The following MYO1F variants were observed in gnomAD, a reference collection of about 807,000 sequenced individuals.
MYO1F encodes the protein unconventional myosin-If.
MYO1F carries 60 observed loss-of-function variants against 146.6 expected under a neutral mutation model. That is an observed-to-expected ratio of 0.41 (90% CI 0.33 to 0.51). The LOEUF is 0.51. MYO1F is among the 20% of genes least tolerant of loss of function. The probability of loss-of-function intolerance (pLI) is 0.25; values close to 1 mark genes in which losing one functional copy is unlikely to be tolerated. For missense variants in MYO1F, 1,274 were observed against 1,534.3 expected, an observed-to-expected ratio of 0.83 and a Z score of 2.83; for synonymous variants, 602 against 602.1, an observed-to-expected ratio of 1.00 and a Z score of 0.00.
intron 1 of MYO1F, among the ~76,000 whole-genome samples, chr19:8,556,026 T>TTTTA (rs1022308526): frequency 2.0e-5 from 3 of 151,530 alleles, no homozygotes; most frequent in African/African-American, 7.3e-5. Flanking sequence ...AATTTTTAAT[T>TTTTA]TTTATTTATT....
At chr19:8,543,542 G>A (rs1245688936) in intron 14 of MYO1F, among the ~76,000 whole-genome samples, 1 of 151,934 alleles carries the variant, frequency 6.6e-6, no homozygotes, top group Non-Finnish European at 1.5e-5. Flanking sequence ...TTAATCGGGG[G>A]GAATTCTGTT....
chr19:8,530,435 C>T lies in MYO1F; in HGVS notation c.2158+24G>A, dbSNP rs761252826. The T allele has an allele frequency of 1.9e-5, 31 of 1,613,532 alleles. No homozygotes were observed. In the East Asian group the frequency reaches 2.4e-4, roughly 13 times the overall value. Reference sequence around the variant, plus strand: ...TCCAGGTCCTTGTGCCCCCACCCCGCGCCGTTTACCCGAAGCCTCTCACCT... The same window carrying T: ...TCCAGGTCCTTGTGCCCCCACCCCGTGCCGTTTACCCGAAGCCTCTCACCT... On this transcript the variant is annotated intron_variant, in intron 20 of 27. Transcript: ENST00000644032. The surrounding 1 kb of genome is among the most constrained non-coding windows in gnomAD (Gnocchi z 5.8).
At chr19:8,522,276 C>G in intron 27 of MYO1F, 101 bp downstream of exon 27, 1 of 1,476,860 alleles carries the variant, frequency 6.8e-7, no homozygotes, top group Middle Eastern at 1.7e-4. Context: ...CCCGCCTTGG[C>G]CTCCCAAAAT....
intron 4 of MYO1F, 22 bp from the exon 5 acceptor site, chr19:8,553,459 A>C (rs747582661): frequency 6.2e-7 from 1 of 1,604,744 alleles, no homozygotes; most frequent in Non-Finnish European, 8.5e-7. Context: ...TGGAGGAATA[A>C]ATGATCAGTG....
intron 13 of MYO1F, chr19:8,545,436 T>C: frequency 1.7e-6 from 1 of 601,756 alleles, no homozygotes; most frequent in Non-Finnish European, 3.0e-6. Flanking sequence ...GGGAAATGTT[T>C]ATTGAATGAT....
At chr19:8,547,280 AAC>A (rs2145903097) in intron 12 of MYO1F, among the ~76,000 whole-genome samples, 1 of 139,108 alleles carries the variant, frequency 7.2e-6, no homozygotes, top group Non-Finnish European at 1.5e-5. Flanking sequence ...CAGCCTGGAC[AAC>A]AGAGCGAGTT....
chr19:8,569,845 C>G (rs188419292), intron 1 of MYO1F, among the ~76,000 whole-genome samples: 57 of 152,230 alleles, frequency 3.7e-4, no homozygotes, highest in Admixed American at 3.2e-3. Context: ...CAGCCCAGGC[C>G]ATGTGGGGTC....
At chr19:8,546,954 C>T (rs978955951) in intron 12 of MYO1F, among the ~76,000 whole-genome samples, 5 of 152,086 alleles carry the variant, frequency 3.3e-5, no homozygotes, top group Non-Finnish European at 5.9e-5. Context: ...GCTGGGATTA[C>T]AGGCGTGAGC....
At chr19:8,555,396 A>G (rs1343045062) in intron 2 of MYO1F, 1 of 393,590 alleles carries the variant, frequency 2.5e-6, no homozygotes, top group Non-Finnish European at 4.7e-6. Context: ...AAAAAAAAAA[A>G]AAAAAAAAAA....
chr19:8,544,116 A>C, intron 14 of MYO1F, 181 bp downstream of exon 14: 1 of 658,836 alleles, frequency 1.5e-6, no homozygotes, highest in Non-Finnish European at 2.6e-6. Context: ...GGTCAGCCGG[A>C]AGGGTCTGTA....
At chr19:8,535,972 C>G (rs959318815) in intron 19 of MYO1F, among the ~76,000 whole-genome samples, 2 of 152,134 alleles carry the variant, frequency 1.3e-5, no homozygotes, top group Non-Finnish European at 2.9e-5. Context: ...TGAGCCACCG[C>G]GCCCGGCAGT....
At chr19:8,537,104 C>T (rs1295566394) in intron 16 of MYO1F, 49 bp from the exon 17 acceptor site, 1 of 1,263,070 alleles carries the variant, frequency 7.9e-7, no homozygotes, top group Admixed American at 1.9e-5. Flanking sequence ...AGATGGGACC[C>T]TCTGGCCCCT....
chr19:8,562,458 C>T (rs1049777970), intron 1 of MYO1F, among the ~76,000 whole-genome samples: 3 of 152,116 alleles, frequency 2.0e-5, no homozygotes, highest in African/African-American at 7.2e-5. Flanking sequence ...TGGGTGGAAG[C>T]CACTGGGCCC....
At position 8,544,030 on chromosome 19, in the gene MYO1F, CGGTGGCGGTGCTGGTGGTGGTGGT is replaced by C. The variant is rs1973217097; in HGVS notation, c.1524+243_1524+266del. Reference sequence around the variant, plus strand: ...GCGGTGGCGGTGGCGGTGGCGGTGGCGGTGGCGGTGCTGGTGGTGGTGGTGGTGGTGGTGGTGGTGTCCAGACAA... The same window carrying C: ...GCGGTGGCGGTGGCGGTGGCGGTGGCGGTGGTGGTGGTGGTGTCCAGACAA... On this transcript the variant is annotated intron_variant, in intron 14 of 27. Coordinates refer to ENST00000644032, the MANE Select transcript of MYO1F (RefSeq NM_012335.4). 4 of 290,032 alleles carry C rather than the reference CGGTGGCGGTGCTGGTGGTGGTGGT, an allele frequency of 1.4e-5. No homozygotes were observed. In the East Asian group the frequency reaches 2.1e-4, roughly 15 times the overall value. The allele number at this position is 290,032 out of a possible 1,614,324, so 18.0% of individuals were successfully genotyped here.
intron 1 of MYO1F, among the ~76,000 whole-genome samples, chr19:8,561,239 G>A (rs548979611): frequency 6.6e-6 from 1 of 152,182 alleles, no homozygotes; most frequent in South Asian, 2.1e-4. Flanking sequence ...AGGGTTAACT[G>A]TCTGGGGAAA....
In MYO1F at chr19:8,577,292, C is replaced by T; in HGVS notation, c.3+15G>A. ...TCCTCTTTCTTCTTCCAGATCCCAC[C>T]CTTGAAGGACTTACCATGGTGGGGG... On this transcript the variant is annotated intron_variant, in intron 1 of 27. Transcript: ENST00000644032. The surrounding 1 kb of genome is among the most constrained non-coding windows in gnomAD (Gnocchi z 4.3). 1 of 1,613,790 alleles carries T rather than the reference C, an allele frequency of 6.2e-7. No individual in the cohort carries two copies. Among genetic ancestry groups the T allele is most frequent in the Non-Finnish European group, 8.5e-7 (1 of 1,179,822 alleles).
At chr19:8,564,505 G>A (rs1172193543) in intron 1 of MYO1F, among the ~76,000 whole-genome samples, 1 of 152,080 alleles carries the variant, frequency 6.6e-6, no homozygotes, top group Non-Finnish European at 1.5e-5. Context: ...ACCCACCACA[G>A]ACTGGCTGAG....
intron 25 of MYO1F, chr19:8,525,234 C>T: frequency 4.2e-6 from 1 of 239,132 alleles, no homozygotes; most frequent in South Asian, 7.1e-5. Context: ...ATGTAGTTTA[C>T]AGGGCAGGAG....
In MYO1F at chr19:8,543,753, G is replaced by GTGC. The variant is rs1568348805; in HGVS notation, c.1524+543_1524+544insGCA. Among the ~76,000 whole-genome samples the GTGC allele has an allele frequency of 2.0e-4, 2 of 9,766 alleles. 1 individual carries two copies. Among genetic ancestry groups the GTGC allele is most frequent in the Non-Finnish European group, 3.9e-4 (2 of 5,076 alleles). 6.4% of individuals were successfully genotyped at this position (9,766 alleles called of 152,430 possible). A position where few individuals can be genotyped will look rare whatever the true frequency, so the allele number is the denominator to read the frequency against. On this transcript the variant is annotated intron_variant, in intron 14 of 27. Coordinates refer to ENST00000644032, the MANE Select transcript of MYO1F (RefSeq NM_012335.4). ...GGTGGTGCTGGTGGTGCTGGTGGTG[G>GTGC]TGGTGGTGGTGGTGCTGGTGGTGCT... is the stretch of plus-strand genomic sequence containing the variant.
Sources: allele counts gnomAD v4.1 joint callset (sites outside exome capture counted in the v4.1 genomes callset), GRCh38; gene constraint gnomAD v4.1.1; non-coding constraint Gnocchi (gnomAD v3.1); transcripts MANE v1.5; gene names NCBI Gene and HGNC (gene_info 2026-07-23, HGNC 2026-07-21).